The following TMEM108 variants were observed in gnomAD, a reference collection of about 807,000 sequenced individuals.
TMEM108 encodes the protein cancer/testis antigen 124.
In TMEM108, 12 loss-of-function variants were observed where a neutral mutation model predicts 35.1. The observed-to-expected ratio is 0.34, with a 90% CI of 0.22 to 0.55. TMEM108 has a LOEUF of 0.55. Ranked by LOEUF, TMEM108 falls within the 20% of genes least tolerant of loss-of-function variation. TMEM108 has a pLI of 0.89. For synonymous variants in TMEM108, 287 were observed against 308.6 expected (o/e 0.93, Z 0.73); for missense variants, 680 against 753.3 (o/e 0.90, Z 1.14).
chr3:133,350,469 A>G (rs553411412), intron 3 of TMEM108, among the ~76,000 whole-genome samples: 16 of 152,344 alleles, frequency 1.1e-4, no homozygotes, highest in African/African-American at 3.8e-4. Context: ...TGATAAATGC[A>G]TGAGGTAATA....
In TMEM108 at chr3:133,252,711, T is replaced by A. The variant is rs150240103; in HGVS notation, c.40+23360T>A. Among the ~76,000 whole-genome samples the A allele has an allele frequency of 4.5e-3, 681 of 152,258 alleles. 8 individuals are homozygous for A. The highest frequency in any genetic ancestry group is 0.016 in the African/African-American group (645 of 41,572). On this transcript the variant is annotated intron_variant, in intron 3 of 5. Transcript: ENST00000321871. ...GAGTTATGACATTTTGAGAACTAAA[T>A]GAGTAGATTTGGAGACTTCTCTGAA...
chr3:133,153,656 G>T lies in TMEM108; in HGVS notation c.-46-75610G>T, dbSNP rs147017593. On this transcript the variant is annotated intron_variant, in intron 2 of 5. Transcript: ENST00000321871. ...CCTTCCAATCTTGCCCTGTGCAGGA[G>T]CACTACATTCATTCCAGGGTTTTCA... Among the ~76,000 whole-genome samples, 625 of 152,284 alleles carry T rather than the reference G, an allele frequency of 4.1e-3. 4 individuals are homozygous for T. Among genetic ancestry groups the T allele is most frequent in the African/African-American group, 0.014 (564 of 41,558 alleles).
chr3:133,159,791 C>A (rs1944935189), intron 2 of TMEM108, among the ~76,000 whole-genome samples: 1 of 152,198 alleles, frequency 6.6e-6, no homozygotes, highest in African/African-American at 2.4e-5. Context: ...TAGGACCTCT[C>A]TTCTTTAACT....
intron 3 of TMEM108, among the ~76,000 whole-genome samples, chr3:133,250,938 C>T (rs887757875): frequency 1.3e-5 from 2 of 151,974 alleles, no homozygotes; most frequent in African/African-American, 2.4e-5. Context: ...GGTATTGAGC[C>T]ACTTGTGTTA....
At chr3:133,125,272 A>G (rs1944401110) in intron 2 of TMEM108, 1 of 152,210 alleles carries the variant, frequency 6.6e-6, no homozygotes, top group African/African-American at 2.4e-5. Flanking sequence ...TATAGGGGGA[A>G]AAGGCACAGT....
chr3:133,252,252 T>A (rs935448287), intron 3 of TMEM108, among the ~76,000 whole-genome samples: 1 of 152,118 alleles, frequency 6.6e-6, no homozygotes, highest in Admixed American at 6.6e-5. Context: ...ATTGAAAAAT[T>A]CTGGGTATGT....
At chr3:133,343,448 A>G (rs904477878) in intron 3 of TMEM108, among the ~76,000 whole-genome samples, 2 of 151,986 alleles carry the variant, frequency 1.3e-5, no homozygotes, top group Admixed American at 1.3e-4. Flanking sequence ...TTTATTCTTA[A>G]TATCTCCAAA....
intron 3 of TMEM108, among the ~76,000 whole-genome samples, chr3:133,264,146 AAAC>A (rs1449428018): frequency 6.6e-6 from 1 of 152,136 alleles, no homozygotes; most frequent in Non-Finnish European, 1.5e-5. Flanking sequence ...TCTCTTAAAA[AAAC>A]AACAACAAAA....
At chr3:133,125,055 A>G (rs1476805676) in intron 2 of TMEM108, 1 of 152,236 alleles carries the variant, frequency 6.6e-6, no homozygotes, top group Non-Finnish European at 1.5e-5. Context: ...TACAATCCCA[A>G]ATTAACTCAG....
intron 3 of TMEM108, among the ~76,000 whole-genome samples, chr3:133,271,832 A>G (rs563556087): frequency 1.3e-5 from 2 of 152,006 alleles, no homozygotes; most frequent in East Asian, 1.9e-4. Flanking sequence ...GCTTTTTTGC[A>G]TTTATCTGGG....
chr3:133,079,638 A>G (rs971172261), intron 2 of TMEM108, among the ~76,000 whole-genome samples: 1 of 152,188 alleles, frequency 6.6e-6, no homozygotes, highest in Admixed American at 6.5e-5. Flanking sequence ...CCCTATGTCC[A>G]GGTACCATCA....
chr3:133,187,224 T>C (rs1321183831), intron 2 of TMEM108, among the ~76,000 whole-genome samples: 5 of 152,256 alleles, frequency 3.3e-5, no homozygotes, highest in Non-Finnish European at 7.3e-5. Flanking sequence ...TATTTTAATA[T>C]GTAAACTAGA....
chr3:133,197,013 G>C (rs1228136204), intron 2 of TMEM108, among the ~76,000 whole-genome samples: 1 of 152,174 alleles, frequency 6.6e-6, no homozygotes, highest in Non-Finnish European at 1.5e-5. Flanking sequence ...ATGACTATTA[G>C]TAAAACGATG....
chr3:133,237,518 T>C (rs1946256354), intron 3 of TMEM108, among the ~76,000 whole-genome samples: 1 of 152,172 alleles, frequency 6.6e-6, no homozygotes, highest in Admixed American at 6.5e-5. Flanking sequence ...AATCTTTCCA[T>C]GGCTTTGCAT....
intron 3 of TMEM108, among the ~76,000 whole-genome samples, chr3:133,235,827 G>C (rs1190197493): frequency 6.6e-6 from 1 of 152,104 alleles, no homozygotes; most frequent in African/African-American, 2.4e-5. Flanking sequence ...TACAGAGAAA[G>C]GAATTGACAT....
chr3:133,208,671 A>C (rs1212401297), intron 2 of TMEM108, among the ~76,000 whole-genome samples: 6 of 151,950 alleles, frequency 3.9e-5, no homozygotes, highest in Non-Finnish European at 8.8e-5. Flanking sequence ...CATTGGCCCA[A>C]CTCTTTCAGA....
chr3:133,378,159 G>A (rs910487219), intron 3 of TMEM108, among the ~76,000 whole-genome samples: 23 of 152,302 alleles, frequency 1.5e-4, no homozygotes, highest in African/African-American at 5.3e-4. Context: ...TCCTAGAGTT[G>A]GTGGGTGCTA....
intron 2 of TMEM108, among the ~76,000 whole-genome samples, chr3:133,122,010 C>A (rs1384454220): frequency 6.6e-6 from 1 of 151,964 alleles, no homozygotes; most frequent in East Asian, 1.9e-4. Flanking sequence ...TTAAATCAGC[C>A]CCTGAAAAGA....
At chr3:133,319,011 A>C (rs895464556) in intron 3 of TMEM108, among the ~76,000 whole-genome samples, 3 of 151,542 alleles carry the variant, frequency 2.0e-5, no homozygotes, top group African/African-American at 7.3e-5. Flanking sequence ...CGCTGTTTGC[A>C]GGCCACAGTG....
Sources: allele counts gnomAD v4.1 joint callset (sites outside exome capture counted in the v4.1 genomes callset), GRCh38; gene constraint gnomAD v4.1.1; transcripts MANE v1.5; gene names NCBI Gene and HGNC (gene_info 2026-07-23, HGNC 2026-07-21).